The following CTU1 variants were observed in gnomAD, a reference collection of about 807,000 sequenced individuals.
CTU1 encodes the protein cytoplasmic tRNA 2-thiolation protein 1.
In CTU1, 15 loss-of-function variants were observed where a neutral mutation model predicts 12.9. The ratio of observed to expected loss-of-function variants is 1.16; its 90% confidence interval spans 0.78 to 1.79. CTU1 has a LOEUF of 1.79. CTU1 is among the 40% of genes most tolerant of loss of function. The pLI is 0.00. For synonymous variants in CTU1, 295 were observed against 275.6 expected (o/e 1.07, Z -0.70); for missense variants, 553 against 550.5 (o/e 1.00, Z -0.05).
intron 2 of CTU1, 50 bp from the exon 3 acceptor site, chr19:51,099,189 T>TGG: frequency 6.7e-7 from 1 of 1,502,654 alleles, no homozygotes; most frequent in Non-Finnish European, 8.9e-7. Context: ...AGGGCGCTGC[T>TGG]GGCCAGGGAG....
Position 51,104,275 on chromosome 19 carries a change from A to G in CTU1, c.295T>C (p.Leu99=), listed in dbSNP as rs915796069. The G allele has an allele frequency of 4.7e-5, 70 of 1,502,774 alleles. No individual in the cohort carries two copies. Among genetic ancestry groups the G allele is most frequent in the Non-Finnish European group, 5.8e-5 (66 of 1,130,820 alleles). The allele number at this position is 1,502,774 out of a possible 1,614,324, so 93.1% of individuals were successfully genotyped here. A position where few individuals can be genotyped will look rare whatever the true frequency, so the allele number is the denominator to read the frequency against. ...EGIGGYRDAA[L]AAVRRQAARW... is the part of the protein sequence containing the mutation. The stretch of plus-strand genomic sequence containing the variant: ...GCCGCCTGGCGCCGCACGGCCGCCA[A>G]CGCCGCGTCCCGGTAGCCACCGATG... The change falls in exon 2 of 3, where the codon TTG becomes CTG. Residue 99 remains leucine (L), a synonymous_variant. Coordinates refer to ENST00000421832, the MANE Select transcript of CTU1 (RefSeq NM_145232.4).
Position 51,098,663 on chromosome 19 carries a change from T to TCGCCTCCTCGTCCAGACCCCGGCGG in CTU1, c.960_984dup (p.Thr329ProfsTer150). On this transcript the variant is annotated frameshift_variant, in exon 3 of 3. Coordinates refer to ENST00000421832, the MANE Select transcript of CTU1 (RefSeq NM_145232.4). LOFTEE classifies it low-confidence loss of function (END_TRUNC). This position sits in a 1 kb window ranked among gnomAD's most constrained non-coding sequence, Gnocchi z 4.3. The stretch of plus-strand genomic sequence containing the variant: ...GCCGGATCCCCGGGCGTCCCCGGCG[T>TCGCCTCCTCGTCCAGACCCCGGCGG]CGCCTCCTCGTCCAGACCCCGGCGG... The TCGCCTCCTCGTCCAGACCCCGGCGG allele has an allele frequency of 7.6e-7, 1 of 1,308,240 alleles. No individual in the cohort carries two copies. Among genetic ancestry groups the TCGCCTCCTCGTCCAGACCCCGGCGG allele is most frequent in the Non-Finnish European group, 9.7e-7 (1 of 1,027,714 alleles). 81.0% of individuals were successfully genotyped at this position (1,308,240 alleles called of 1,614,324 possible).
chr19:51,100,202 A>G (rs956735516), intron 2 of CTU1, among the ~76,000 whole-genome samples: 1 of 151,974 alleles, frequency 6.6e-6, no homozygotes, highest in Non-Finnish European at 1.5e-5. Flanking sequence ...TCCCTGGGGA[A>G]CTTGGGGATA....
At chr19:51,106,672 ATTT>A (rs56150506) in intron 1 of CTU1, among the ~76,000 whole-genome samples, 385 of 136,218 alleles carry the variant, frequency 2.8e-3, no homozygotes, top group African/African-American at 9.8e-3. Context: ...TGCCTGGCTA[ATTT>A]TTTTTTTTTT....
At chr19:51,100,413 C>G (rs1341343272) in intron 2 of CTU1, among the ~76,000 whole-genome samples, 5 of 152,108 alleles carry the variant, frequency 3.3e-5, no homozygotes, top group African/African-American at 7.2e-5. Flanking sequence ...AGTTTGAGAC[C>G]AGCCTGGCCA....
chr19:51,097,624 AT>A lies in CTU1; in HGVS notation c.*976del, dbSNP rs1337541752. 5.8e-5 allele frequency: 7 copies of A among 121,540 alleles called. No homozygotes were observed. Among genetic ancestry groups the A allele is most frequent in the African/African-American group, 2.2e-4 (7 of 31,674 alleles). The allele number at this position is 121,540 out of a possible 1,614,324, so 7.5% of individuals were successfully genotyped here. On this transcript the variant is annotated 3_prime_UTR_variant, in exon 3 of 3. Coordinates refer to ENST00000421832, the MANE Select transcript of CTU1 (RefSeq NM_145232.4). ...GACCAAGTCCAAGTGGTCACCATTT[AT>A]TGAGCACCTCAACTTCTCTGATCTT...
chr19:51,106,894 C>T (rs2091922023), intron 1 of CTU1, among the ~76,000 whole-genome samples: 1 of 152,150 alleles, frequency 6.6e-6, no homozygotes, highest in Non-Finnish European at 1.5e-5. Context: ...ATGGCTGGGG[C>T]ACCTTAAAGA....
Position 51,099,047 on chromosome 19 carries a change from G to A in CTU1, c.601C>T (p.Pro201Ser). Reference protein sequence around the residue: ...RLARGGGLGSPGEGGALPRCR... With the variant: ...RLARGGGLGSSGEGGALPRCR... ...CGCGGCAGGGCGCCCCCCTCGCCGG[G>A]AGAGCCCAGGCCCCCGCCCCGGGCC... Residue 201 changes from proline to serine, a missense_variant, in exon 3 of 3, where the codon CCC (proline) becomes TCC (serine). Pro to Ser is a moderately conservative substitution (Grantham distance 74). This residue lies in a region of CTU1 where 500 missense variants were observed against 458.5 expected (regional missense o/e 1.09). Transcript: ENST00000421832. 1 of 1,514,360 alleles carries A rather than the reference G, an allele frequency of 6.6e-7. No homozygotes were observed. Among genetic ancestry groups the A allele is most frequent in the South Asian group, 1.2e-5 (1 of 83,200 alleles). The allele number at this position is 1,514,360 out of a possible 1,614,324, so 93.8% of individuals were successfully genotyped here.
Position 51,104,098 on chromosome 19 carries a change from C to G in CTU1, c.472G>C (p.Gly158Arg). The G allele has an allele frequency of 6.8e-7, 1 of 1,475,036 alleles. No individual in the cohort carries two copies. The highest frequency in any genetic ancestry group is 8.9e-7 in the Non-Finnish European group (1 of 1,129,206). The allele number at this position is 1,475,036 out of a possible 1,614,324, so 91.4% of individuals were successfully genotyped here. Residue 158 changes from glycine to arginine, a missense_variant, in exon 2 of 3, where the codon GGG (glycine) becomes CGG (arginine). This residue lies in a region of CTU1 where 500 missense variants were observed against 458.5 expected (regional missense o/e 1.09). Transcript: ENST00000421832. ...GVLRRRALEE[G>R]ARRVGATHIV... ...TGCGTGGCTCCCACGCGGCGCGCCC[C>G]TTCCTCCAGCGCCCGGCGCCGCAGC...
At position 51,099,137 on chromosome 19, in the gene CTU1, G is replaced by T. The variant is rs1417503658; in HGVS notation, c.511C>A (p.His171Asn). 1.9e-6 allele frequency: 3 copies of T among 1,569,894 alleles called. No homozygotes were observed. Among genetic ancestry groups the T allele is most frequent in the Non-Finnish European group, 2.6e-6 (3 of 1,167,380 alleles). The part of the protein sequence containing the change: ...RVGATHIVTG[H>N]NADDMAETVL... ...GTCTCCGCCATGTCGTCGGCGTTGT[G>T]ACCTGGTGGGGAGAGAAGGGAGCGG... The change falls in exon 3 of 3, where the codon CAC becomes AAC. Residue 171 changes from histidine (H) to asparagine (N), a missense_variant and splice_region_variant. His to Asn is a moderately conservative substitution (Grantham distance 68). Around this residue, in one of 2 missense-constraint regions of CTU1, gnomAD observed 500 missense variants for 458.5 expected, o/e 1.09. Coordinates refer to ENST00000421832, the MANE Select transcript of CTU1 (RefSeq NM_145232.4).
At chr19:51,107,282 G>A (rs1649852482) in intron 1 of CTU1, among the ~76,000 whole-genome samples, 3 of 152,072 alleles carry the variant, frequency 2.0e-5, no homozygotes, top group Non-Finnish European at 2.9e-5. Context: ...TCAACATAGC[G>A]AGACCCCATC....
At chr19:51,099,547 G>A (rs2091902344) in intron 2 of CTU1, among the ~76,000 whole-genome samples, 2 of 152,180 alleles carry the variant, frequency 1.3e-5, no homozygotes, top group South Asian at 4.1e-4. Flanking sequence ...CTCCCCTGGC[G>A]CAACTTGGGC....
chr19:51,103,954 C>T (rs1294044156), intron 2 of CTU1, 108 bp downstream of exon 2: 4 of 1,179,424 alleles, frequency 3.4e-6, no homozygotes, highest in African/African-American at 1.6e-5. Context: ...GTCTCCTCGC[C>T]GCCTTCTGGA....
At position 51,104,072 on chromosome 19, in the gene CTU1, G is replaced by A. The variant is rs375456989; in HGVS notation, c.498C>T (p.His166=). The change falls in exon 2 of 3, where the codon CAC becomes CAT. Residue 166 remains histidine, a synonymous_variant. Transcript: ENST00000421832. ...EEGARRVGAT[H]IVTGHNADDM... ...CCGTACTACGCTCACCTGTCACGATGTGCGTGGCTCCCACGCGGCGCGCCC... is the reference window on the plus strand; with the variant it reads ...CCGTACTACGCTCACCTGTCACGATATGCGTGGCTCCCACGCGGCGCGCCC... 6.9e-7 allele frequency: 1 copy of A among 1,456,580 alleles called. No individual in the cohort carries two copies. Among genetic ancestry groups the A allele is most frequent in the Non-Finnish European group, 8.9e-7 (1 of 1,118,406 alleles). The allele number at this position is 1,456,580 out of a possible 1,614,324, so 90.2% of individuals were successfully genotyped here. A position where few individuals can be genotyped will look rare whatever the true frequency, so the allele number is the denominator to read the frequency against.
At position 51,098,042 on chromosome 19, in the gene CTU1, AG is replaced by A. The variant is rs1402181262; in HGVS notation, c.*558del. On this transcript the variant is annotated 3_prime_UTR_variant, in exon 3 of 3. Transcript: ENST00000421832. The surrounding 1 kb of genome is among the most constrained non-coding windows in gnomAD (Gnocchi z 4.3). ...TGCTACACACGAAGCGCTGGAAGGG[AG>A]GCATCGTGACGGCGGCTGTGAATGG... 6.6e-6 allele frequency: 1 copy of A among 152,266 alleles called. No homozygotes were observed. Among genetic ancestry groups the A allele is most frequent in the Admixed American group, 6.5e-5 (1 of 15,280 alleles). The allele number at this position is 152,266 out of a possible 1,614,324, so 9.4% of individuals were successfully genotyped here.
chr19:51,098,335 C>A lies in CTU1; in HGVS notation c.*266G>T, dbSNP rs1023142331. On this transcript the variant is annotated 3_prime_UTR_variant, in exon 3 of 3. Coordinates refer to ENST00000421832, the MANE Select transcript of CTU1 (RefSeq NM_145232.4). This position sits in a 1 kb window ranked among gnomAD's most constrained non-coding sequence, Gnocchi z 4.3. ...GGTCCCCAGTCCCACTTCTTCTAGG[C>A]TTAGTCCTGGCCCTCTCCTCTCTCA... 2 of 262,950 alleles carry A rather than the reference C, an allele frequency of 7.6e-6. No individual in the cohort carries two copies. The highest frequency in any genetic ancestry group is 1.4e-5 in the Non-Finnish European group (2 of 140,518). 16.3% of individuals were successfully genotyped at this position (262,950 alleles called of 1,614,324 possible).
intron 1 of CTU1, among the ~76,000 whole-genome samples, chr19:51,106,321 C>T (rs2091920509): frequency 6.6e-6 from 1 of 152,156 alleles, no homozygotes; most frequent in South Asian, 2.1e-4. Flanking sequence ...GACTCATCTG[C>T]AGTGACCGTC....
At position 51,104,533 on chromosome 19, in the gene CTU1, G is replaced by A. The variant is rs1395257773; in HGVS notation, c.37C>T (p.Arg13Cys). The A allele has an allele frequency of 2.4e-6, 3 of 1,267,334 alleles. No individual in the cohort carries two copies. Among genetic ancestry groups the A allele is most frequent in the Non-Finnish European group, 3.0e-6 (3 of 1,007,960 alleles). 78.5% of individuals were successfully genotyped at this position (1,267,334 alleles called of 1,614,324 possible). A position where few individuals can be genotyped will look rare whatever the true frequency, so the allele number is the denominator to read the frequency against. Residue 13 changes from arginine to cysteine, a missense_variant, in exon 2 of 3, where the codon CGC (arginine) becomes TGC (cysteine). Arg to Cys is a radical substitution (Grantham distance 180). Coordinates refer to ENST00000421832, the MANE Select transcript of CTU1 (RefSeq NM_145232.4). ...APPCASCHAA[R>C]AALRRPLSGQ... is the part of the protein sequence containing the mutation. ...GAGAGCGGACGGCGGAGGGCGGCGCGTGCAGCATGGCAGGAGGCGCACGGC... is the reference window on the plus strand; with the variant it reads ...GAGAGCGGACGGCGGAGGGCGGCGCATGCAGCATGGCAGGAGGCGCACGGC...
intron 2 of CTU1, 40 bp downstream of exon 2, chr19:51,104,022 G>C: frequency 7.1e-7 from 1 of 1,413,818 alleles, no homozygotes; most frequent in Non-Finnish European, 9.2e-7. Flanking sequence ...TCGCCCCACT[G>C]CCTCGGAGAG....
Sources: allele counts gnomAD v4.1 joint callset (sites outside exome capture counted in the v4.1 genomes callset), GRCh38; gene constraint gnomAD v4.1.1; regional missense constraint gnomAD v4.1.1; non-coding constraint Gnocchi (gnomAD v3.1); transcripts MANE v1.5; gene names NCBI Gene and HGNC (gene_info 2026-07-23, HGNC 2026-07-21).